Variants in MRPS25 observed in about 807,000 individuals in gnomAD.
MRPS25 encodes the protein mitochondrial ribosomal protein S25, also known as small ribosomal subunit protein mS25.
A neutral mutation model predicts 17.3 loss-of-function variants in MRPS25; 15 were observed. The ratio of observed to expected loss-of-function variants is 0.87; its 90% CI spans 0.58 to 1.34. The LOEUF (loss-of-function observed/expected upper bound fraction) is 1.34, where lower values mean the gene tolerates loss of function less well. Among genes scored for constraint, MRPS25 ranks in the 40% most tolerant of loss-of-function variants. The probability of loss-of-function intolerance (pLI) is 0.00; values close to 1 mark genes in which losing one functional copy is unlikely to be tolerated. For missense variants in MRPS25, 225 were observed against 218.6 expected, an observed-to-expected ratio of 1.03 and a Z score of -0.19; for synonymous variants, 94 against 83.3, an observed-to-expected ratio of 1.13 and a Z score of -0.70.
Position 15,050,118 on chromosome 3 carries a change from T to C in MRPS25, c.*2323A>G. Reference sequence around the variant, plus strand: ...AAACAAAATAGGGAAAGACAAAGGTTTAAAGAGAAACTATCCAGGATCAAG... The same window carrying C: ...AAACAAAATAGGGAAAGACAAAGGTCTAAAGAGAAACTATCCAGGATCAAG... On this transcript the variant is annotated 3_prime_UTR_variant, in exon 4 of 4. Transcript: ENST00000253686. 1 of 1,379,074 alleles carries C rather than the reference T, an allele frequency of 7.3e-7. No homozygotes were observed. The highest frequency in any genetic ancestry group is 9.3e-7 in the Non-Finnish European group (1 of 1,078,866). 85.4% of individuals were successfully genotyped at this position (1,379,074 alleles called of 1,614,324 possible). A position where few individuals can be genotyped will look rare whatever the true frequency, so the allele number is the denominator to read the frequency against.
At chr3:15,047,172 A>G (rs2042485980), downstream of MRPS25, 2 of 152,662 alleles carry the variant, frequency 1.3e-5, no homozygotes, top group African/African-American at 4.8e-5. Context: ...AGAGTTTTTC[A>G]TAAAGTTGCT....
chr3:15,058,198 C>CT (rs1050767871), intron 2 of MRPS25, among the ~76,000 whole-genome samples: 14 of 148,658 alleles, frequency 9.4e-5, no homozygotes, highest in South Asian at 4.3e-4. Flanking sequence ...AATCTTTTTT[C>CT]TTTTTTTTTG....
At chr3:15,063,838 C>A (rs1235948625) in intron 1 of MRPS25, among the ~76,000 whole-genome samples, 1 of 152,032 alleles carries the variant, frequency 6.6e-6, no homozygotes, top group African/African-American at 2.4e-5. Context: ...AGACCCCCAC[C>A]CCTTCCCATT....
intron 1 of MRPS25, among the ~76,000 whole-genome samples, chr3:15,062,843 G>A (rs2042796948): frequency 6.6e-6 from 1 of 152,158 alleles, no homozygotes; most frequent in East Asian, 1.9e-4. Flanking sequence ...TACAAGATGT[G>A]CTTTGTTAAA....
At chr3:15,052,760 CCTCA>C (rs2125132079) in intron 3 of MRPS25, 127 bp from the exon 4 acceptor site, 1 of 987,924 alleles carries the variant, frequency 1.0e-6, no homozygotes, top group Non-Finnish European at 1.5e-6. Flanking sequence ...CTAACCTGAT[CCTCA>C]CTGTCAAAGC....
intron 2 of MRPS25, among the ~76,000 whole-genome samples, chr3:15,053,982 C>A (rs28481509): frequency 4.6e-5 from 7 of 152,028 alleles, no homozygotes; most frequent in African/African-American, 1.7e-4. Context: ...TATGGCCGGG[C>A]GCGGTGGCTC....
chr3:15,064,521 T>C (rs58929034), intron 1 of MRPS25, among the ~76,000 whole-genome samples: 3,296 of 152,268 alleles, frequency 0.022, 115 homozygotes, highest in African/African-American at 0.075. Context: ...CTCGTGGAGC[T>C]GCAAGTTACT....
At position 15,051,446 on chromosome 3, in the gene MRPS25, G is replaced by T. The variant is rs1478747491; in HGVS notation, c.*995C>A. 4.2e-6 allele frequency: 4 copies of T among 956,126 alleles called. No homozygotes were observed. Among genetic ancestry groups the T allele is most frequent in the Non-Finnish European group, 3.7e-6 (3 of 803,212 alleles). 59.2% of individuals were successfully genotyped at this position (956,126 alleles called of 1,614,324 possible). A position where few individuals can be genotyped will look rare whatever the true frequency, so the allele number is the denominator to read the frequency against. On this transcript the variant is annotated 3_prime_UTR_variant, in exon 4 of 4. Coordinates refer to ENST00000253686, the MANE Select transcript of MRPS25 (RefSeq NM_022497.5). Reference sequence around the variant, plus strand: ...TATCCGCCCACATCAGCCTCCCAAAGTGCTGGGATTACAGGCATGAGCCAC... The same window carrying T: ...TATCCGCCCACATCAGCCTCCCAAATTGCTGGGATTACAGGCATGAGCCAC...
chr3:15,043,010 G>A (rs139778021), downstream of MRPS25: 54 of 1,612,602 alleles, frequency 3.3e-5, no homozygotes, highest in East Asian at 6.7e-5. Context: ...AGTCTATAGC[G>A]CAAACCACAC....
At chr3:15,059,988 A>C (rs2042728531) in intron 1 of MRPS25, among the ~76,000 whole-genome samples, 1 of 78,962 alleles carries the variant, frequency 1.3e-5, no homozygotes, top group Non-Finnish European at 3.1e-5. Flanking sequence ...AGGCCTTGCA[A>C]AAAAAAAAAA....
At chr3:15,057,892 C>CT (rs889524023) in intron 2 of MRPS25, among the ~76,000 whole-genome samples, 1 of 152,102 alleles carries the variant, frequency 6.6e-6, no homozygotes, top group African/African-American at 2.4e-5. Flanking sequence ...CTAATCTTCT[C>CT]TTTTTTTTAT....
At position 15,050,864 on chromosome 3, in the gene MRPS25, A is replaced by G; in HGVS notation, c.*1577T>C. 1.0e-6 allele frequency: 1 copy of G among 985,450 alleles called. No individual in the cohort carries two copies. The highest frequency in any genetic ancestry group is 1.2e-6 in the Non-Finnish European group (1 of 829,934). The allele number at this position is 985,450 out of a possible 1,614,324, so 61.0% of individuals were successfully genotyped here. On this transcript the variant is annotated 3_prime_UTR_variant, in exon 4 of 4. Transcript: ENST00000253686. ...TAAAAGATCCAAATCTGCTCAATTT[A>G]ATGTGATAATCTCCAACAGTTAATG... is the stretch of plus-strand genomic sequence containing the variant.
At chr3:15,060,270 T>C (rs1185198312) in intron 1 of MRPS25, among the ~76,000 whole-genome samples, 1 of 152,054 alleles carries the variant, frequency 6.6e-6, no homozygotes, top group Non-Finnish European at 1.5e-5. Flanking sequence ...CCCAGCACTT[T>C]GGGAAGCCCA....
intron 1 of MRPS25, among the ~76,000 whole-genome samples, chr3:15,059,701 G>A (rs1311842395): frequency 6.6e-6 from 1 of 152,100 alleles, no homozygotes. Flanking sequence ...AACCTGTACT[G>A]CAAGCTAACC....
At chr3:15,056,163 C>T (rs1367516571) in intron 2 of MRPS25, among the ~76,000 whole-genome samples, 13 of 150,996 alleles carry the variant, frequency 8.6e-5, no homozygotes, top group African/African-American at 2.9e-4. Flanking sequence ...TGCAGTGAGC[C>T]GAGATCACGC....
At position 15,048,827 on chromosome 3, in the gene MRPS25, T is replaced by G. The variant is rs775610190; in HGVS notation, c.*3614A>C. 6.6e-6 allele frequency: 1 copy of G among 152,666 alleles called. No homozygotes were observed. Among genetic ancestry groups the G allele is most frequent in the Non-Finnish European group, 1.5e-5 (1 of 68,018 alleles). The allele number at this position is 152,666 out of a possible 1,614,324, so 9.5% of individuals were successfully genotyped here. Reference sequence around the variant, plus strand: ...TTTTTACCTGTAGTTTGGACTTCTCTGTTAGAATGTAACTGCATTACCAGC... The same window carrying G: ...TTTTTACCTGTAGTTTGGACTTCTCGGTTAGAATGTAACTGCATTACCAGC... On this transcript the variant is annotated 3_prime_UTR_variant, in exon 4 of 4. Transcript: ENST00000253686.
intron 2 of MRPS25, among the ~76,000 whole-genome samples, chr3:15,058,392 T>G (rs918695199): frequency 1.3e-5 from 2 of 152,152 alleles, no homozygotes; most frequent in African/African-American, 2.4e-5. Flanking sequence ...GGTTTCACCA[T>G]GTTAGCCAGG....
chr3:15,050,466 G>GAT lies in MRPS25; in HGVS notation c.*1974_*1975insAT. On this transcript the variant is annotated 3_prime_UTR_variant, in exon 4 of 4. Coordinates refer to ENST00000253686, the MANE Select transcript of MRPS25 (RefSeq NM_022497.5). ...GGAATACTCTCATAAGGCTTTGTGT[G>GAT]TCACTAGCTATGGAGACCTACACTG... is the stretch of plus-strand genomic sequence containing the variant. 3 of 984,288 alleles carry GAT rather than the reference G, an allele frequency of 3.0e-6. No individual in the cohort carries two copies. The highest frequency in any genetic ancestry group is 4.7e-5 in the South Asian group (1 of 21,256). The allele number at this position is 984,288 out of a possible 1,614,324, so 61.0% of individuals were successfully genotyped here.
intron 1 of MRPS25, among the ~76,000 whole-genome samples, chr3:15,063,928 A>G (rs556794003): frequency 6.6e-6 from 1 of 151,988 alleles, no homozygotes; most frequent in African/African-American, 2.4e-5. Context: ...GTGCCCATAC[A>G]CCCTAAGACC....
Sources: allele counts gnomAD v4.1 joint callset (sites outside exome capture counted in the v4.1 genomes callset), GRCh38; gene constraint gnomAD v4.1.1; transcripts MANE v1.5; gene names NCBI Gene and HGNC (gene_info 2026-07-23, HGNC 2026-07-21).